Variants in RABEP1 observed in about 807,000 individuals in gnomAD.
RABEP1 encodes rab GTPase-binding effector protein 1.
In RABEP1, 51 loss-of-function variants were observed where a neutral mutation model predicts 123.4. That is an observed-to-expected ratio of 0.41 (90% CI 0.33 to 0.52). RABEP1 has a LOEUF of 0.52. RABEP1 is among the 20% of genes least tolerant of loss of function. The pLI, the probability that RABEP1 is intolerant of heterozygous loss-of-function variation, is 0.16. For synonymous variants in RABEP1, 347 were observed against 355.2 expected (o/e 0.98, Z 0.26); for missense variants, 888 against 996.3 (o/e 0.89, Z 1.46).
At chr17:5,329,404 G>A (rs765090204) in intron 2 of RABEP1, among the ~76,000 whole-genome samples, 2 of 152,174 alleles carry the variant, frequency 1.3e-5, no homozygotes, top group Non-Finnish European at 1.5e-5. Context: ...GGTGGCACGC[G>A]CCTGTAATCC....
chr17:5,316,124 C>T (rs189205734), intron 2 of RABEP1, among the ~76,000 whole-genome samples: 6 of 152,236 alleles, frequency 3.9e-5, no homozygotes, highest in Admixed American at 2.6e-4. Flanking sequence ...CATATAAAAA[C>T]TAAGCACTTA....
At chr17:5,373,737 C>T (rs1369083269) in intron 13 of RABEP1, among the ~76,000 whole-genome samples, 3 of 144,214 alleles carry the variant, frequency 2.1e-5, no homozygotes, top group African/African-American at 8.0e-5. Context: ...CACACACACA[C>T]GAAAAAGTAA....
intron 1 of RABEP1, 150 bp from the exon 2 acceptor site, chr17:5,308,544 C>T (rs547913185): frequency 9.9e-5 from 72 of 729,386 alleles, no homozygotes; most frequent in Non-Finnish European, 1.4e-4. Context: ...TTTTTTTAAA[C>T]ATTAGAATAT....
chr17:5,328,581 G>A (rs961684439), intron 2 of RABEP1, among the ~76,000 whole-genome samples: 2 of 144,964 alleles, frequency 1.4e-5, no homozygotes, highest in Non-Finnish European at 3.0e-5. Context: ...GGGAGGCAGA[G>A]ATTGCAGTGA....
rs78165989 is a variant in RABEP1 at position 5,367,419 on chromosome 17, C to G, written c.1786-951C>G. ...CCTGAGTAGCTGGGACTACAGGCAC[C>G]CGCCACCACGCCCGGCTAATTTTTT... On this transcript the variant is annotated intron_variant, in intron 11 of 17. Transcript: ENST00000537505. 6.5e-3 allele frequency among the ~76,000 whole-genome samples: 983 copies of G among 151,658 alleles called. 10 individuals are homozygous for G. The highest frequency in any genetic ancestry group is 0.022 in the South Asian group (106 of 4,792).
chr17:5,348,940 A>C (rs549872681), intron 6 of RABEP1, among the ~76,000 whole-genome samples: 2 of 152,194 alleles, frequency 1.3e-5, no homozygotes, highest in African/African-American at 2.4e-5. Flanking sequence ...ACAATTCAGT[A>C]GTTTTTAATA....
intron 1 of RABEP1, among the ~76,000 whole-genome samples, chr17:5,305,275 T>G (rs1047047799): frequency 6.6e-6 from 1 of 152,170 alleles, no homozygotes; most frequent in African/African-American, 2.4e-5. Flanking sequence ...GATGATCACT[T>G]CTTAAAAATA....
At chr17:5,379,154 C>G (rs1462419627) in intron 15 of RABEP1, among the ~76,000 whole-genome samples, 1 of 152,188 alleles carries the variant, frequency 6.6e-6, no homozygotes, top group Admixed American at 6.5e-5. Context: ...TCAGCCCCCT[C>G]ACTCTCAGCA....
chr17:5,302,091 T>G (rs185775759), intron 1 of RABEP1, among the ~76,000 whole-genome samples: 6 of 152,078 alleles, frequency 3.9e-5, no homozygotes, highest in Non-Finnish European at 7.4e-5. Context: ...GTGAGCAACT[T>G]GGATAATGAA....
chr17:5,379,728 A>T (rs1363655701), intron 15 of RABEP1, among the ~76,000 whole-genome samples: 1 of 152,206 alleles, frequency 6.6e-6, no homozygotes, highest in Admixed American at 6.5e-5. Context: ...TTTGTCCCTA[A>T]ATCATCTCCA....
chr17:5,291,917 A>T (rs753425160), intron 1 of RABEP1, among the ~76,000 whole-genome samples: 1 of 152,188 alleles, frequency 6.6e-6, no homozygotes, highest in Non-Finnish European at 1.5e-5. Context: ...AAGTGGTGAT[A>T]AGTCTGATTC....
chr17:5,301,898 T>C (rs975884071), intron 1 of RABEP1, among the ~76,000 whole-genome samples: 10 of 152,144 alleles, frequency 6.6e-5, no homozygotes, highest in African/African-American at 2.4e-4. Flanking sequence ...ATTACATTAA[T>C]CTTATGGGAT....
At chr17:5,322,321 C>CT (rs1426386570) in intron 2 of RABEP1, among the ~76,000 whole-genome samples, 10 of 151,870 alleles carry the variant, frequency 6.6e-5, no homozygotes, top group African/African-American at 2.4e-4. Flanking sequence ...TTGTGCCACT[C>CT]TGCATGCCAA....
chr17:5,299,719 C>CTTTTCTTTTTTTT (rs2075116264), intron 1 of RABEP1, among the ~76,000 whole-genome samples: 22 of 98,850 alleles, frequency 2.2e-4, no homozygotes, highest in South Asian at 1.2e-3. Flanking sequence ...TTTTTCTTTT[C>CTTTTCTTTTTTTT]TTTTTCTTTT....
chr17:5,367,332 C>T (rs1271243431), intron 11 of RABEP1, among the ~76,000 whole-genome samples: 13 of 151,544 alleles, frequency 8.6e-5, no homozygotes, highest in East Asian at 7.9e-4. Context: ...AGTGCAGTGG[C>T]ACGATCTTGG....
At chr17:5,379,502 A>C (rs1911273943) in intron 15 of RABEP1, among the ~76,000 whole-genome samples, 1 of 151,818 alleles carries the variant, frequency 6.6e-6, no homozygotes, top group Non-Finnish European at 1.5e-5. Flanking sequence ...CTCTGTTGCC[A>C]CAGTCTTGAT....
intron 4 of RABEP1, among the ~76,000 whole-genome samples, chr17:5,335,927 T>C (rs1907036984): frequency 6.6e-6 from 1 of 152,160 alleles, no homozygotes; most frequent in Admixed American, 6.5e-5. Flanking sequence ...AAAGCAAAGT[T>C]TTAGAATAGA....
At chr17:5,304,596 A>AG (rs1254443235) in intron 1 of RABEP1, among the ~76,000 whole-genome samples, 1 of 152,124 alleles carries the variant, frequency 6.6e-6, no homozygotes, top group Non-Finnish European at 1.5e-5. Flanking sequence ...GAAAAAAAAA[A>AG]AAAGTAGGCA....
intron 2 of RABEP1, among the ~76,000 whole-genome samples, chr17:5,324,484 A>G (rs1410528164): frequency 6.6e-6 from 1 of 152,228 alleles, no homozygotes; most frequent in Admixed American, 6.5e-5. Context: ...TGAAGCCACT[A>G]GAGGAAAACA....
Sources: allele counts gnomAD v4.1 joint callset (sites outside exome capture counted in the v4.1 genomes callset), GRCh38; gene constraint gnomAD v4.1.1; transcripts MANE v1.5; gene names NCBI Gene and HGNC (gene_info 2026-07-23, HGNC 2026-07-21).